CPNE4: variants seen among roughly 807,000 people sequenced by gnomAD.
The protein encoded by CPNE4 is copine-4.
A neutral mutation model predicts 67.9 loss-of-function variants in CPNE4; 25 were observed. The ratio of observed to expected loss-of-function variants is 0.37; its 90% CI spans 0.27 to 0.51. The LOEUF (loss-of-function observed/expected upper bound fraction) is 0.51. CPNE4 is among the 20% of genes least tolerant of loss of function. The probability of loss-of-function intolerance (pLI) is 0.93; values close to 1 mark genes in which losing one functional copy is unlikely to be tolerated. For synonymous variants in CPNE4, 242 were observed against 244.9 expected (o/e 0.99, Z 0.11); for missense variants, 464 against 690.8 (o/e 0.67, Z 3.68).
intron 4 of CPNE4, among the ~76,000 whole-genome samples, chr3:131,697,952 G>A (rs1289538370): frequency 3.9e-5 from 6 of 152,080 alleles, no homozygotes; most frequent in African/African-American, 1.4e-4. Flanking sequence ...ATTAAATGGG[G>A]CCAGGGGCAG....
intron 7 of CPNE4, among the ~76,000 whole-genome samples, chr3:131,646,880 C>T (rs1265630710): frequency 2.6e-5 from 4 of 152,204 alleles, no homozygotes; most frequent in African/African-American, 4.8e-5. Flanking sequence ...GGCTCTGTTG[C>T]TGCTAGGGAA....
At chr3:132,010,670 G>A (rs1881908) in intron 1 of CPNE4, among the ~76,000 whole-genome samples, 28,482 of 152,116 alleles carry the variant, frequency 0.19, 3,454 homozygotes, top group East Asian at 0.39. Flanking sequence ...TTAGGCAAAT[G>A]TTCTCACAGT....
At chr3:131,953,635 G>A (rs910500867) in intron 1 of CPNE4, among the ~76,000 whole-genome samples, 1 of 152,180 alleles carries the variant, frequency 6.6e-6, no homozygotes, top group African/African-American at 2.4e-5. Context: ...ATTATGTTAA[G>A]TGAAATAAGC....
rs202098347 is a variant in CPNE4, at chr3:131,736,272, AAGAC to A, written c.181-12651_181-12648del. On this transcript the variant is annotated intron_variant, in intron 2 of 15. Coordinates refer to ENST00000429747, the MANE Select transcript of CPNE4 (RefSeq NM_130808.3). ...CACTTTTTGTTTTACTAGTTTCTAA[AAGAC>A]TTCCTCTTGAAACCAAAGAGTTTGC... Among the ~76,000 whole-genome samples, 1,517 of 152,248 alleles carry A rather than the reference AAGAC, an allele frequency of 1.0e-2. 24 individuals are homozygous for A. The highest frequency in any genetic ancestry group is 0.035 in the African/African-American group (1,453 of 41,530).
intron 2 of CPNE4, among the ~76,000 whole-genome samples, chr3:131,836,348 GA>G (rs1210359491): frequency 3.3e-5 from 5 of 151,868 alleles, no homozygotes; most frequent in African/African-American, 4.8e-5. Flanking sequence ...CAGTCTAAAA[GA>G]AAAAAAGTGT....
intron 6 of CPNE4, among the ~76,000 whole-genome samples, chr3:131,676,055 ATT>A (rs2080555381): frequency 6.8e-6 from 1 of 146,514 alleles, no homozygotes; most frequent in Non-Finnish European, 1.5e-5. Context: ...TATTATTATT[ATT>A]ATTATTATTA....
chr3:131,595,102 G>A (rs1938766175), intron 7 of CPNE4, among the ~76,000 whole-genome samples: 1 of 152,174 alleles, frequency 6.6e-6, no homozygotes, highest in South Asian at 2.1e-4. Context: ...TGGAACCTTC[G>A]TACATTGTTG....
At chr3:131,672,031 T>A (rs13434294) in intron 6 of CPNE4, among the ~76,000 whole-genome samples, 46,551 of 152,008 alleles carry the variant, frequency 0.31, 7,352 homozygotes, top group Middle Eastern at 0.34. Flanking sequence ...CAGTTGTTTT[T>A]ATATTTAATA....
At chr3:131,755,057 A>G (rs1477476908) in intron 2 of CPNE4, among the ~76,000 whole-genome samples, 1 of 152,118 alleles carries the variant, frequency 6.6e-6, no homozygotes, top group Non-Finnish European at 1.5e-5. Context: ...ACACATTCCT[A>G]TATTATACTA....
intron 1 of CPNE4, among the ~76,000 whole-genome samples, chr3:131,907,099 T>A (rs1023525181): frequency 3.9e-5 from 6 of 152,092 alleles, no homozygotes; most frequent in African/African-American, 7.2e-5. Flanking sequence ...AAAAAACACA[T>A]GAAGAAATGC....
At chr3:131,848,008 A>G (rs1277233229) in intron 2 of CPNE4, among the ~76,000 whole-genome samples, 1 of 152,146 alleles carries the variant, frequency 6.6e-6, no homozygotes, top group Non-Finnish European at 1.5e-5. Flanking sequence ...TCTGCAGAAG[A>G]CTTGTATGTC....
At chr3:131,761,210 CTTTT>C (rs151161125) in intron 2 of CPNE4, among the ~76,000 whole-genome samples, 14 of 119,442 alleles carry the variant, frequency 1.2e-4, no homozygotes, top group Admixed American at 1.8e-4. Flanking sequence ...TCACTTCGTA[CTTTT>C]TTTTTTTTTT....
At chr3:131,849,639 A>T (rs2086157281) in intron 2 of CPNE4, among the ~76,000 whole-genome samples, 1 of 152,150 alleles carries the variant, frequency 6.6e-6, no homozygotes, top group African/African-American at 2.4e-5. Context: ...ATCAGAAGGT[A>T]TGTCAATTCT....
chr3:131,920,062 A>G (rs2070698546), intron 1 of CPNE4, among the ~76,000 whole-genome samples: 1 of 152,142 alleles, frequency 6.6e-6, no homozygotes, highest in Admixed American at 6.6e-5. Flanking sequence ...TTAAACTCAA[A>G]TCTGATCAGG....
At chr3:131,571,566 T>A (rs1176140047) in intron 10 of CPNE4, among the ~76,000 whole-genome samples, 1 of 152,030 alleles carries the variant, frequency 6.6e-6, no homozygotes, top group East Asian at 1.9e-4. Context: ...GCTTTCAGTC[T>A]TCTCATTGTA....
intron 7 of CPNE4, among the ~76,000 whole-genome samples, chr3:131,659,013 G>A (rs989817659): frequency 6.6e-6 from 1 of 152,186 alleles, no homozygotes; most frequent in Non-Finnish European, 1.5e-5. Flanking sequence ...CTGTTGACAA[G>A]GCTAGGTTAA....
At chr3:131,770,432 C>T (rs964961184) in intron 2 of CPNE4, among the ~76,000 whole-genome samples, 3 of 152,222 alleles carry the variant, frequency 2.0e-5, no homozygotes, top group East Asian at 1.9e-4. Flanking sequence ...CCCCGCAAAG[C>T]GGGGTAGAAC....
At chr3:131,844,060 G>T (rs1415422383) in intron 2 of CPNE4, among the ~76,000 whole-genome samples, 1 of 151,996 alleles carries the variant, frequency 6.6e-6, no homozygotes, top group Non-Finnish European at 1.5e-5. Context: ...TTAGAAAGAA[G>T]TTTGTCCCTC....
chr3:131,965,689 T>C (rs1355745753), intron 1 of CPNE4, among the ~76,000 whole-genome samples: 1 of 152,182 alleles, frequency 6.6e-6, no homozygotes, highest in Non-Finnish European at 1.5e-5. Flanking sequence ...CCTAAATATA[T>C]ATGCACCCAA....
Sources: gnomAD v4.1 joint callset for allele counts (sites outside exome capture counted in the v4.1 genomes callset) on GRCh38, gnomAD v4.1.1 for gene constraint, MANE v1.5 for transcripts, NCBI Gene and HGNC (gene_info 2026-07-23, HGNC 2026-07-21) for gene names.